RBFOX1: variants seen among roughly 807,000 people sequenced by gnomAD.
RBFOX1 encodes RNA binding protein fox-1 homolog 1.
RBFOX1 carries 8 observed loss-of-function variants against 57.7 expected under a neutral mutation model. That is an observed-to-expected ratio of 0.14 (90% CI 0.08 to 0.25). The LOEUF is 0.25. RBFOX1 is among the 10% of genes least tolerant of loss of function. The probability of loss-of-function intolerance (pLI) is 1.00; values close to 1 mark genes in which losing one functional copy is unlikely to be tolerated. For synonymous variants in RBFOX1, 326 were observed against 222.4 expected (o/e 1.47, Z -4.15); for missense variants, 611 against 548.5 (o/e 1.11, Z -1.14).
chr16:6,476,510 G>T (rs1385033371), intron 2 of RBFOX1, among the ~76,000 whole-genome samples: 1 of 152,132 alleles, frequency 6.6e-6, no homozygotes, highest in African/African-American at 2.4e-5. Context: ...CAATAGCATT[G>T]TATCTAAAAA....
intron 4 of RBFOX1, among the ~76,000 whole-genome samples, chr16:7,491,784 C>T (rs1003091396): frequency 6.6e-6 from 1 of 152,092 alleles, no homozygotes; most frequent in African/African-American, 2.4e-5. Flanking sequence ...GCACATGCCA[C>T]CATGCCCAGC....
intron 3 of RBFOX1, among the ~76,000 whole-genome samples, chr16:6,819,158 C>G (rs371195809): frequency 6.6e-6 from 1 of 152,110 alleles, no homozygotes; most frequent in Non-Finnish European, 1.5e-5. Context: ...ATATTTGACC[C>G]CTGTGAGCCT....
chr16:5,547,521 A>G (rs547829055), intron 2 of RBFOX1, among the ~76,000 whole-genome samples: 6 of 152,202 alleles, frequency 3.9e-5, no homozygotes, highest in Non-Finnish European at 5.9e-5. Context: ...ATTACATACT[A>G]TATAAGCCTA....
At chr16:7,330,497 TGTGTGTGTGTGTTTGTGTGTG>T (rs2096672267) in intron 4 of RBFOX1, among the ~76,000 whole-genome samples, 1 of 97,234 alleles carries the variant, frequency 1.0e-5, no homozygotes, top group African/African-American at 6.0e-5. Flanking sequence ...TGTGTGTGTG[TGTGTGTGTGTGTTTGTGTGTG>T]TGTGTGTAGA....
chr16:5,677,121 A>T (rs1166021042), intron 3 of RBFOX1, among the ~76,000 whole-genome samples: 3 of 152,196 alleles, frequency 2.0e-5, no homozygotes, highest in Admixed American at 2.0e-4. Flanking sequence ...GGTCAAACGG[A>T]CAGAAGGGGA....
chr16:6,987,886 A>C (rs2090642856), intron 3 of RBFOX1, among the ~76,000 whole-genome samples: 1 of 152,158 alleles, frequency 6.6e-6, no homozygotes, highest in South Asian at 2.1e-4. Context: ...TTTTATCCCT[A>C]TTCGGGTCAG....
chr16:6,967,626 G>A (rs892827219), intron 3 of RBFOX1, among the ~76,000 whole-genome samples: 3 of 151,898 alleles, frequency 2.0e-5, no homozygotes, highest in Admixed American at 2.0e-4. Flanking sequence ...AGTACACTTC[G>A]CTGTTGAACA....
chr16:5,329,527 T>C (rs2064685785), intron 1 of RBFOX1, among the ~76,000 whole-genome samples: 1 of 152,166 alleles, frequency 6.6e-6, no homozygotes, highest in Non-Finnish European at 1.5e-5. Context: ...TGACATGAGA[T>C]TTGGGTGGGG....
At chr16:7,267,589 TCATGTCTG>T (rs990217375) in intron 4 of RBFOX1, among the ~76,000 whole-genome samples, 1 of 150,836 alleles carries the variant, frequency 6.6e-6, no homozygotes, top group African/African-American at 2.4e-5. Flanking sequence ...GCACGATGGC[TCATGTCTG>T]TAATCGTAGT....
At chr16:5,521,308 C>T (rs1364820256) in intron 2 of RBFOX1, among the ~76,000 whole-genome samples, 1 of 150,646 alleles carries the variant, frequency 6.6e-6, no homozygotes, top group Non-Finnish European at 1.5e-5. Flanking sequence ...ACAACTGCTG[C>T]CCCAGGTCCG....
rs534740387 is a variant in RBFOX1, at chr16:6,226,066, T to G, written c.-126-90929T>G. ...AGATCACAGAGTTCTTTGTGTAAAT[T>G]AGTATTTCCCAGGCCTGGTGCAGTG... On this transcript the variant is annotated intron_variant, in intron 1 of 15. Coordinates refer to ENST00000550418, the MANE Select transcript of RBFOX1 (RefSeq NM_018723.4). Among the ~76,000 whole-genome samples, 3 of 152,092 alleles carry G rather than the reference T, an allele frequency of 2.0e-5. No homozygotes were observed. The East Asian group carries it at 5.8e-4, about 29-fold the overall frequency.
chr16:6,433,245 A>G (rs767822513), intron 2 of RBFOX1, among the ~76,000 whole-genome samples: 1 of 152,248 alleles, frequency 6.6e-6, no homozygotes, highest in Admixed American at 6.5e-5. Flanking sequence ...ATGAGAAGTC[A>G]TAGAGAAAGA....
At chr16:6,545,386 C>T (rs1392598347) in intron 2 of RBFOX1, among the ~76,000 whole-genome samples, 1 of 152,184 alleles carries the variant, frequency 6.6e-6, no homozygotes, top group Non-Finnish European at 1.5e-5. Context: ...GCCTTTCTCT[C>T]CAACCCCTCT....
chr16:6,225,611 A>C (rs1433200925), intron 1 of RBFOX1, among the ~76,000 whole-genome samples: 1 of 152,206 alleles, frequency 6.6e-6, no homozygotes, highest in Non-Finnish European at 1.5e-5. Flanking sequence ...CCACAATGAA[A>C]ACTGGAAGAA....
At chr16:6,167,691 T>C (rs189755573) in intron 1 of RBFOX1, among the ~76,000 whole-genome samples, 2 of 152,240 alleles carry the variant, frequency 1.3e-5, no homozygotes, top group African/African-American at 4.8e-5. Context: ...AACCTTTTAG[T>C]TCTTAATGGA....
chr16:6,037,122 G>C (rs1290118034), intron 1 of RBFOX1: 1 of 152,154 alleles, frequency 6.6e-6, no homozygotes, highest in Admixed American at 6.5e-5. Flanking sequence ...GCATTTATTT[G>C]AGTCACAATC....
intron 4 of RBFOX1, among the ~76,000 whole-genome samples, chr16:7,180,259 CTCTT>C (rs1347829111): frequency 6.6e-6 from 1 of 152,082 alleles, no homozygotes; most frequent in Non-Finnish European, 1.5e-5. Context: ...CATATATTAA[CTCTT>C]TATGTCCTTA....
At chr16:6,681,741 A>T (rs918218660) in intron 3 of RBFOX1, among the ~76,000 whole-genome samples, 1 of 152,066 alleles carries the variant, frequency 6.6e-6, no homozygotes, top group Non-Finnish European at 1.5e-5. Context: ...TGATAATAAT[A>T]TAATTAATAG....
At position 6,548,948 on chromosome 16, in the gene RBFOX1, G is replaced by A. The variant is rs533638368; in HGVS notation, c.-63-105655G>A. Among the ~76,000 whole-genome samples, 5 of 150,758 alleles carry A rather than the reference G, an allele frequency of 3.3e-5. No homozygotes were observed. The South Asian group carries it at 6.3e-4, about 19-fold the overall frequency. On this transcript the variant is annotated intron_variant, in intron 2 of 15. Coordinates refer to ENST00000550418, the MANE Select transcript of RBFOX1 (RefSeq NM_018723.4). ...AAAATTAGCTGGGCATGGTGGCGGC[G>A]CCTGTAATCCCAGGTACTCAAGTGG...
Sources: allele counts gnomAD v4.1 joint callset (sites outside exome capture counted in the v4.1 genomes callset), GRCh38; gene constraint gnomAD v4.1.1; transcripts MANE v1.5; gene names NCBI Gene and HGNC (gene_info 2026-07-23, HGNC 2026-07-21).